Variants in C5orf47 observed in about 807,000 individuals in gnomAD.
C5orf47 encodes the protein uncharacterized protein C5orf47.
In C5orf47, 20 loss-of-function variants were observed where a neutral mutation model predicts 20.6. That is an observed-to-expected ratio of 0.97 (90% CI 0.68 to 1.41). The LOEUF is 1.41. Among genes scored for constraint, C5orf47 ranks in the 40% most tolerant of loss-of-function variants. The pLI, the probability that C5orf47 is intolerant of heterozygous loss-of-function variation, is 0.00. For synonymous variants in C5orf47, 106 were observed against 97.3 expected, an observed-to-expected ratio of 1.09 and a Z score of -0.53; for missense variants, 262 against 238.4, an observed-to-expected ratio of 1.10 and a Z score of -0.65.
chr5:173,991,357 T>C (rs974932305), intron 1 of C5orf47, among the ~76,000 whole-genome samples: 1 of 152,190 alleles, frequency 6.6e-6, no homozygotes, highest in Non-Finnish European at 1.5e-5. Context: ...TTGGATAGTA[T>C]TGGAGATAGC....
rs1279101780 is a variant in C5orf47, at chr5:174,005,016, T to A, written c.*762T>A. ...TTTAGAAGTATTGTTTAATAAGTCC[T>A]TTTTTTCTACTCAACATTAAGTAGT... On this transcript the variant is annotated 3_prime_UTR_variant, in exon 5 of 5. Coordinates refer to ENST00000340147, the MANE Select transcript of C5orf47 (RefSeq NM_001144954.2). 6.6e-6 allele frequency: 1 copy of A among 152,146 alleles called. No individual in the cohort carries two copies. The highest frequency in any genetic ancestry group is 1.5e-5 in the Non-Finnish European group (1 of 68,006). The allele number at this position is 152,146 out of a possible 1,614,324, so 9.4% of individuals were successfully genotyped here.
rs1445846874 is a variant in C5orf47, at chr5:173,998,286, C to A, written c.411+48C>A. 7.2e-6 allele frequency: 7 copies of A among 968,236 alleles called. No individual in the cohort carries two copies. In the East Asian group the frequency reaches 1.6e-4, roughly 22 times the overall value. The allele number at this position is 968,236 out of a possible 1,614,324, so 60.0% of individuals were successfully genotyped here. A position where few individuals can be genotyped will look rare whatever the true frequency, so the allele number is the denominator to read the frequency against. On this transcript the variant is annotated intron_variant, in intron 2 of 4. Transcript: ENST00000340147. ...GAGCAATATTTGAATTTTAGATCAT[C>A]CTCTCTAAATACAAATGTGTAAAGA... is the stretch of plus-strand genomic sequence containing the variant.
At chr5:173,991,248 T>C (rs1053609123) in intron 1 of C5orf47, among the ~76,000 whole-genome samples, 15 of 152,224 alleles carry the variant, frequency 9.9e-5, no homozygotes, top group Non-Finnish European at 2.9e-5. Flanking sequence ...TATCAATATA[T>C]ATTATTTGTA....
At chr5:173,998,378 T>C in intron 2 of C5orf47, 140 bp downstream of exon 2, 1 of 557,418 alleles carries the variant, frequency 1.8e-6, no homozygotes, top group Non-Finnish European at 3.2e-6. Flanking sequence ...GAAATAGAAG[T>C]AATTCAGAAG....
chr5:174,007,068 C>G (rs972352051), downstream of C5orf47, among the ~76,000 whole-genome samples: 1 of 148,552 alleles, frequency 6.7e-6, no homozygotes, highest in African/African-American at 2.4e-5. Flanking sequence ...AGTGGGCCCA[C>G]TGGGTTTAGA....
chr5:173,989,647 C>G, intron 1 of C5orf47, 59 bp downstream of exon 1: 3 of 1,305,366 alleles, frequency 2.3e-6, no homozygotes, highest in South Asian at 3.8e-5. Context: ...GCGGAGCGGG[C>G]TCAGCTGCTG....
chr5:174,007,503 T>A (rs1759309731), downstream of C5orf47, among the ~76,000 whole-genome samples: 1 of 151,904 alleles, frequency 6.6e-6, no homozygotes, highest in South Asian at 2.1e-4. Flanking sequence ...TGTATTCACA[T>A]GGGGCAGACA....
chr5:174,009,040 C>G (rs982795191), downstream of C5orf47, among the ~76,000 whole-genome samples: 1 of 151,940 alleles, frequency 6.6e-6, no homozygotes, highest in Non-Finnish European at 1.5e-5. Flanking sequence ...CTGAGCAGGA[C>G]CAGAGAGCAC....
chr5:174,008,096 C>T (rs78600058), downstream of C5orf47, among the ~76,000 whole-genome samples: 1,065 of 152,234 alleles, frequency 7.0e-3, 8 homozygotes, highest in Non-Finnish European at 9.9e-3. Context: ...AGGAGTCCAA[C>T]GTAGAAAGCT....
Position 173,989,262 on chromosome 5 carries a change from C to T in C5orf47, c.-2C>T, listed in dbSNP as rs1268496330. 6 of 1,382,348 alleles carry T rather than the reference C, an allele frequency of 4.3e-6. No homozygotes were observed. The highest frequency in any genetic ancestry group is 5.6e-6 in the Non-Finnish European group (6 of 1,065,874). The allele number at this position is 1,382,348 out of a possible 1,614,324, so 85.6% of individuals were successfully genotyped here. The stretch of plus-strand genomic sequence containing the variant: ...GCCCGGCTGCCGTTGACTGAGGCTG[C>T]GATGGCGGCGGCAGGCCGGGGTCGG... On this transcript the variant is annotated 5_prime_UTR_variant, in exon 1 of 5. Transcript: ENST00000340147.
downstream of C5orf47, among the ~76,000 whole-genome samples, chr5:174,007,729 T>C (rs1323152227): frequency 1.3e-5 from 2 of 152,084 alleles, no homozygotes; most frequent in African/African-American, 4.8e-5. Context: ...GGCTAATTTT[T>C]TTGTATTTTT....
At chr5:174,006,823 T>G (rs978134749), downstream of C5orf47, among the ~76,000 whole-genome samples, 18 of 152,256 alleles carry the variant, frequency 1.2e-4, no homozygotes, top group East Asian at 5.8e-4. Context: ...AAAATGTGCT[T>G]CTTGGATTTC....
At chr5:174,007,092 G>A (rs1432486958), downstream of C5orf47, among the ~76,000 whole-genome samples, 1 of 147,828 alleles carries the variant, frequency 6.8e-6, no homozygotes, top group South Asian at 2.1e-4. Flanking sequence ...CTACTCAATA[G>A]CCATCTCCCC....
rs749262873 is a variant in C5orf47 at position 173,989,599 on chromosome 5, G to T, written c.325+11G>T. 1.1e-5 allele frequency: 16 copies of T among 1,425,324 alleles called. No individual in the cohort carries two copies. The East Asian group carries it at 3.6e-4, about 32-fold the overall frequency. 88.3% of individuals were successfully genotyped at this position (1,425,324 alleles called of 1,614,324 possible). A position where few individuals can be genotyped will look rare whatever the true frequency, so the allele number is the denominator to read the frequency against. On this transcript the variant is annotated intron_variant, in intron 1 of 4. Transcript: ENST00000340147. ...AGTCGGCGCGTGCAGGTGGTGCAGC[G>T]GGGCAGGGCGGGACCGGGCGCGGCG...
chr5:174,000,565 T>C (rs1759178078), intron 3 of C5orf47, among the ~76,000 whole-genome samples: 1 of 152,166 alleles, frequency 6.6e-6, no homozygotes, highest in African/African-American at 2.4e-5. Context: ...ACGGTCATTC[T>C]ATGGCAACTT....
chr5:173,991,393 A>G (rs891910684), intron 1 of C5orf47, among the ~76,000 whole-genome samples: 19 of 152,300 alleles, frequency 1.2e-4, no homozygotes, highest in Admixed American at 7.2e-4. Flanking sequence ...GTTCCTGACC[A>G]TAGGGGAAAT....
chr5:173,989,343 G>T lies in C5orf47; in HGVS notation c.80G>T (p.Ser27Ile). The T allele has an allele frequency of 6.7e-7, 1 of 1,499,274 alleles. No individual in the cohort carries two copies. The highest frequency in any genetic ancestry group is 1.3e-5 in the South Asian group (1 of 76,012). 92.9% of individuals were successfully genotyped at this position (1,499,274 alleles called of 1,614,324 possible). ...YVTRFGSHQC[S>I]GVLQLGGRGA... The stretch of plus-strand genomic sequence containing the variant: ...ACGCGCTTCGGCTCGCATCAGTGCA[G>T]TGGCGTCCTGCAACTGGGCGGCCGT... Residue 27 changes from serine (S) to isoleucine (I), a missense_variant, in exon 1 of 5, where the codon AGT (serine) becomes ATT (isoleucine). Coordinates refer to ENST00000340147, the MANE Select transcript of C5orf47 (RefSeq NM_001144954.2).
At chr5:174,000,370 G>C (rs1162740704) in intron 3 of C5orf47, among the ~76,000 whole-genome samples, 3 of 152,076 alleles carry the variant, frequency 2.0e-5, no homozygotes, top group African/African-American at 7.2e-5. Flanking sequence ...AGTCTGGTGT[G>C]TTTATCAAAA....
chr5:173,989,767 G>C (rs1040002620), intron 1 of C5orf47, among the ~76,000 whole-genome samples, 179 bp downstream of exon 1: 1 of 152,256 alleles, frequency 6.6e-6, no homozygotes, highest in Admixed American at 6.5e-5. Context: ...CAGAGGGCCA[G>C]CTGTGGCCGG....
Sources: gnomAD v4.1 joint callset for allele counts (sites outside exome capture counted in the v4.1 genomes callset) on GRCh38, gnomAD v4.1.1 for gene constraint, MANE v1.5 for transcripts, NCBI Gene and HGNC (gene_info 2026-07-23, HGNC 2026-07-21) for gene names.